The following HS3ST4 variants were observed in gnomAD, a reference collection of about 807,000 sequenced individuals.
The protein encoded by HS3ST4 is heparan sulfate-glucosamine 3-sulfotransferase 4.
A neutral mutation model predicts 29.2 loss-of-function variants in HS3ST4; 17 were observed. That is an observed-to-expected ratio of 0.58 (90% CI 0.40 to 0.87). HS3ST4 has a LOEUF of 0.87. Among genes scored for constraint, HS3ST4 ranks in the 40% least tolerant of loss-of-function variants. HS3ST4 has a pLI of 0.00. For missense variants in HS3ST4, 627 were observed against 634.5 expected (o/e 0.99, Z 0.13); for synonymous variants, 314 against 285.7 (o/e 1.10, Z -1.00).
chr16:25,695,087 C>G (rs1164934279), intron 1 of HS3ST4, among the ~76,000 whole-genome samples: 1 of 152,150 alleles, frequency 6.6e-6, no homozygotes, highest in Non-Finnish European at 1.5e-5. Flanking sequence ...TGACGTGGCT[C>G]CTGATTATGT....
At position 25,700,829 on chromosome 16, in the gene HS3ST4, T is replaced by C. The variant is rs559958971; in HGVS notation, c.734+7678T>C. On this transcript the variant is annotated intron_variant, in intron 1 of 1. Transcript: ENST00000331351. ...TTAATTAAAAGAAGGTGGTTGGCTTTTTTGTTGTTGCTGTTTGTACTCACT... is the reference window on the plus strand; with the variant it reads ...TTAATTAAAAGAAGGTGGTTGGCTTCTTTGTTGTTGCTGTTTGTACTCACT... Among the ~76,000 whole-genome samples the C allele has an allele frequency of 2.9e-4, 44 of 152,350 alleles. No homozygotes were observed. In the South Asian group the frequency reaches 8.7e-3, roughly 30 times the overall value.
chr16:25,834,307 A>G (rs940546091), intron 1 of HS3ST4, among the ~76,000 whole-genome samples: 1 of 152,216 alleles, frequency 6.6e-6, no homozygotes, highest in African/African-American at 2.4e-5. Flanking sequence ...GGGCTCAGCA[A>G]TCTTTGTTTT....
chr16:25,864,013 C>CCTCTT (rs1555469511), intron 1 of HS3ST4, among the ~76,000 whole-genome samples: 1 of 151,672 alleles, frequency 6.6e-6, no homozygotes, highest in Non-Finnish European at 1.5e-5. Context: ...CTGCTGCCTG[C>CCTCTT]CGCCTCTTCG....
intron 1 of HS3ST4, among the ~76,000 whole-genome samples, chr16:25,871,535 G>C (rs1468995656): frequency 2.0e-5 from 3 of 152,150 alleles, no homozygotes; most frequent in Non-Finnish European, 2.9e-5. Flanking sequence ...TAGTGCTTAT[G>C]ATGGTGAACC....
At chr16:25,815,426 C>G (rs756951719) in intron 1 of HS3ST4, among the ~76,000 whole-genome samples, 19 of 152,138 alleles carry the variant, frequency 1.2e-4, no homozygotes, top group Non-Finnish European at 1.9e-4. Context: ...CAAGTTCAAG[C>G]GATTCTTCTG....
intron 1 of HS3ST4, among the ~76,000 whole-genome samples, chr16:26,039,727 C>G (rs992523838): frequency 4.6e-5 from 7 of 152,112 alleles, no homozygotes; most frequent in Admixed American, 3.9e-4. Context: ...CCACCTCCCC[C>G]CACCCTTTCA....
intron 1 of HS3ST4, among the ~76,000 whole-genome samples, chr16:26,083,261 T>C (rs1231916996): frequency 6.6e-6 from 1 of 152,224 alleles, no homozygotes; most frequent in Non-Finnish European, 1.5e-5. Flanking sequence ...ATTCCCCAGA[T>C]CTAGGCACAG....
chr16:25,698,401 A>G (rs948582991), intron 1 of HS3ST4, among the ~76,000 whole-genome samples: 7 of 152,294 alleles, frequency 4.6e-5, no homozygotes, highest in Admixed American at 6.5e-5. Context: ...TCGTGGCCCT[A>G]CAGAGTGTCC....
chr16:25,986,901 G>A (rs1046455003), intron 1 of HS3ST4, among the ~76,000 whole-genome samples: 3 of 152,182 alleles, frequency 2.0e-5, no homozygotes, highest in Admixed American at 6.5e-5. Flanking sequence ...TCTCAGGCTT[G>A]GCAATTACAT....
intron 1 of HS3ST4, among the ~76,000 whole-genome samples, chr16:25,911,739 G>T (rs1260037591): frequency 6.6e-6 from 1 of 151,888 alleles, no homozygotes; most frequent in Admixed American, 6.6e-5. Flanking sequence ...GAAGTCTTGG[G>T]CTTGAGCGAT....
chr16:25,962,420 A>G (rs1252914648), intron 1 of HS3ST4, among the ~76,000 whole-genome samples: 1 of 152,200 alleles, frequency 6.6e-6, no homozygotes, highest in Non-Finnish European at 1.5e-5. Flanking sequence ...TACATTGCTT[A>G]TCCACTTTTG....
At chr16:25,791,834 T>C (rs1966869870) in intron 1 of HS3ST4, among the ~76,000 whole-genome samples, 1 of 152,068 alleles carries the variant, frequency 6.6e-6, no homozygotes, top group South Asian at 2.1e-4. Flanking sequence ...ACAGTTATAC[T>C]TTTTCCTTTT....
intron 1 of HS3ST4, among the ~76,000 whole-genome samples, chr16:25,746,953 A>G (rs989169681): frequency 1.5e-4 from 23 of 152,172 alleles, no homozygotes; most frequent in African/African-American, 5.6e-4. Flanking sequence ...GGCTCAAGCA[A>G]TCCTCCTGCC....
intron 1 of HS3ST4, among the ~76,000 whole-genome samples, chr16:26,037,239 G>C (rs756106821): frequency 3.9e-5 from 6 of 152,214 alleles, no homozygotes; most frequent in Non-Finnish European, 7.3e-5. Context: ...CATGAGATAA[G>C]GAGGCCACAG....
chr16:26,120,052 A>AGG (rs1899251577), intron 1 of HS3ST4, among the ~76,000 whole-genome samples: 1 of 131,450 alleles, frequency 7.6e-6, no homozygotes, highest in South Asian at 2.7e-4. Context: ...AGCTGAAGGA[A>AGG]GTGTGTGTGT....
intron 1 of HS3ST4, among the ~76,000 whole-genome samples, chr16:26,113,470 ATGTGTGTGTGTGTGTGTGTG>A (rs55722050): frequency 7.6e-6 from 1 of 132,158 alleles, no homozygotes; most frequent in Non-Finnish European, 1.6e-5. Context: ...ACAATATATG[ATGTGTGTGTGTGTGTGTGTG>A]TGTGTGTGTG....
chr16:26,072,650 T>G (rs551931695), intron 1 of HS3ST4, among the ~76,000 whole-genome samples: 1 of 152,364 alleles, frequency 6.6e-6, no homozygotes, highest in Non-Finnish European at 1.5e-5. Flanking sequence ...CAATCAGTTT[T>G]TATATTTCTT....
chr16:26,006,620 A>G (rs1596642241), intron 1 of HS3ST4, among the ~76,000 whole-genome samples: 1 of 152,170 alleles, frequency 6.6e-6, no homozygotes, highest in East Asian at 1.9e-4. Flanking sequence ...TGGGCATGCA[A>G]TCATAGTGGT....
intron 1 of HS3ST4, among the ~76,000 whole-genome samples, chr16:26,061,834 A>G (rs1056538152): frequency 2.0e-5 from 3 of 152,222 alleles, no homozygotes; most frequent in African/African-American, 7.2e-5. Context: ...GGAACCAGCA[A>G]CTTTATCTTC....
Sources: gnomAD v4.1 joint callset for allele counts (sites outside exome capture counted in the v4.1 genomes callset) on GRCh38, gnomAD v4.1.1 for gene constraint, MANE v1.5 for transcripts, NCBI Gene and HGNC (gene_info 2026-07-23, HGNC 2026-07-21) for gene names.